The following RGS8 variants were observed in gnomAD, a reference collection of about 807,000 sequenced individuals.
RGS8 encodes the protein regulator of G protein signaling 8, also known as regulator of G-protein signaling 8.
Under a neutral mutation model 21.7 loss-of-function variants are expected in RGS8, and 8 were observed. The ratio of observed to expected loss-of-function variants is 0.37; its 90% CI spans 0.22 to 0.66. The LOEUF is 0.66. Among genes scored for constraint, RGS8 ranks in the 30% least tolerant of loss-of-function variants. The pLI is 0.59. For missense variants in RGS8, 157 were observed against 217.9 expected (o/e 0.72, Z 1.76); for synonymous variants, 80 against 83.6 (o/e 0.96, Z 0.24).
the RGS8 span, among the ~76,000 whole-genome samples, chr1:182,738,646 T>C: frequency 6.6e-6 from 1 of 152,072 alleles, no homozygotes. Flanking sequence ...TAATATGAAG[T>C]ATGGAGTCAG....
chr1:182,748,307 C>A, the RGS8 span, among the ~76,000 whole-genome samples: 2 of 152,218 alleles, frequency 1.3e-5, no homozygotes, highest in Admixed American at 1.3e-4. Flanking sequence ...CCATTCTATT[C>A]CCAACTTCTA....
At chr1:182,733,212 GT>G in the RGS8 span, among the ~76,000 whole-genome samples, 6 of 152,176 alleles carry the variant, frequency 3.9e-5, no homozygotes, top group Non-Finnish European at 8.8e-5. Context: ...AGTTTTTTCT[GT>G]TAATTAAATC....
At chr1:182,742,596 A>G in the RGS8 span, among the ~76,000 whole-genome samples, 1 of 152,256 alleles carries the variant, frequency 6.6e-6, no homozygotes, top group East Asian at 1.9e-4. Flanking sequence ...AAAACCAGTC[A>G]GGCGTGGTGG....
upstream of RGS8, among the ~76,000 whole-genome samples, chr1:182,677,210 G>A (rs1202396995): frequency 1.3e-5 from 2 of 152,176 alleles, no homozygotes; most frequent in South Asian, 2.1e-4. Flanking sequence ...CAAGCTACTC[G>A]CCCTGTCTGA....
At chr1:182,688,074 G>C (rs944660017), upstream of RGS8, among the ~76,000 whole-genome samples, 3 of 152,152 alleles carry the variant, frequency 2.0e-5, no homozygotes, top group Non-Finnish European at 2.9e-5. Flanking sequence ...CTGCCATTGT[G>C]CAAATCTCTT....
chr1:182,750,316 C>T, the RGS8 span, among the ~76,000 whole-genome samples: 5 of 152,170 alleles, frequency 3.3e-5, no homozygotes, highest in Non-Finnish European at 1.5e-5. Context: ...GTTCCAGGCT[C>T]TGTGCAGACC....
chr1:182,672,816 T>A (rs756868826), upstream of RGS8: 5 of 1,614,164 alleles, frequency 3.1e-6, no homozygotes, highest in Non-Finnish European at 4.2e-6. Flanking sequence ...CAAACCTCCT[T>A]ACCCACATGG....
chr1:182,658,868 G>A (rs543174323), intron 5 of RGS8, among the ~76,000 whole-genome samples: 30 of 152,234 alleles, frequency 2.0e-4, no homozygotes, highest in Admixed American at 1.8e-3. Flanking sequence ...AAAAATAACT[G>A]GGACTAAGTA....
downstream of RGS8, chr1:182,645,209 T>C (rs1243941514): frequency 6.6e-6 from 1 of 152,242 alleles, no homozygotes; most frequent in African/African-American, 2.4e-5. Context: ...ACTCCAGAGC[T>C]TATGCCTAAT....
the RGS8 span, among the ~76,000 whole-genome samples, chr1:182,741,086 G>C: frequency 6.6e-6 from 1 of 151,356 alleles, no homozygotes; most frequent in Non-Finnish European, 1.5e-5. Flanking sequence ...TCCCAGACGG[G>C]GTGGTGGCCG....
chr1:182,671,554 G>A (rs1365893275), intron 2 of RGS8, 103 bp downstream of exon 3: 6 of 967,516 alleles, frequency 6.2e-6, no homozygotes, highest in African/African-American at 1.6e-5. Flanking sequence ...AGGGAAGAAA[G>A]CAATCAATAT....
chr1:182,711,095 C>G, the RGS8 span, among the ~76,000 whole-genome samples: 3 of 152,212 alleles, frequency 2.0e-5, no homozygotes, highest in Non-Finnish European at 4.4e-5. Flanking sequence ...GGAGATCACA[C>G]AAGGACCTCG....
At chr1:182,659,552 A>C (rs145414224) in intron 5 of RGS8, among the ~76,000 whole-genome samples, 1,760 of 152,288 alleles carry the variant, frequency 0.012, 33 homozygotes, top group African/African-American at 0.04. Context: ...TGCAAAAATT[A>C]GCTGGGCATG....
In RGS8 at chr1:182,684,410, CA is replaced by C. The variant is rs1425841617; in HGVS notation, n.166del. On this transcript the variant is annotated non_coding_transcript_exon_variant, in exon 1 of 5. The change abolishes an upstream ATG in the 5' untranslated region. Coordinates refer to the RGS8 transcript ENST00000515211. This position sits in a 1 kb window ranked among gnomAD's most constrained non-coding sequence, Gnocchi z 4.2. ...GTGGCTGGTGCGGGCCCCAGCTGGG[CA>C]TGGTTCGGTGAGGCCCTGAGTGATA... 1 of 152,408 alleles carries C rather than the reference CA, an allele frequency of 6.6e-6. No homozygotes were observed. The highest frequency in any genetic ancestry group is 2.4e-5 in the African/African-American group (1 of 41,460). The allele number at this position is 152,408 out of a possible 1,614,324, so 9.4% of individuals were successfully genotyped here. A position where few individuals can be genotyped will look rare whatever the true frequency, so the allele number is the denominator to read the frequency against.
At chr1:182,682,063 G>C (rs911648687) in intron 1 of RGS8, among the ~76,000 whole-genome samples, 1 of 152,220 alleles carries the variant, frequency 6.6e-6, no homozygotes, top group South Asian at 2.1e-4. Flanking sequence ...AGAAATGTAG[G>C]TGTTTGGACA....
the RGS8 span, among the ~76,000 whole-genome samples, chr1:182,731,237 C>T: frequency 6.6e-6 from 1 of 152,232 alleles, no homozygotes; most frequent in Admixed American, 6.5e-5. Flanking sequence ...AATAATCCTG[C>T]ACCTTTAGCC....
At chr1:182,711,885 C>T in the RGS8 span, among the ~76,000 whole-genome samples, 1 of 152,194 alleles carries the variant, frequency 6.6e-6, no homozygotes. Context: ...TTTCCACCAT[C>T]CTAGAGCTTC....
intron 1 of RGS8, among the ~76,000 whole-genome samples, chr1:182,683,827 C>T (rs1404922639): frequency 3.9e-5 from 6 of 152,100 alleles, no homozygotes; most frequent in Non-Finnish European, 7.4e-5. Flanking sequence ...GTGTGACCAA[C>T]GTTAGTCACC....
At chr1:182,721,008 CATATATACACATATAT>C in the RGS8 span, among the ~76,000 whole-genome samples, 1 of 90,308 alleles carries the variant, frequency 1.1e-5, no homozygotes, top group African/African-American at 4.5e-5. Context: ...TGTATATATA[CATATATACACATATAT>C]ATGTGTGTAT....
Sources: gnomAD v4.1 joint callset for allele counts (sites outside exome capture counted in the v4.1 genomes callset) on GRCh38, gnomAD v4.1.1 for gene constraint, Gnocchi (gnomAD v3.1) non-coding constraint, MANE v1.5 for transcripts, NCBI Gene and HGNC (gene_info 2026-07-23, HGNC 2026-07-21) for gene names.